TMEM33: variants seen among roughly 807,000 people sequenced by gnomAD.
TMEM33 encodes transmembrane protein 33.
A neutral mutation model predicts 29.7 loss-of-function variants in TMEM33; 16 were observed. The ratio of observed to expected loss-of-function variants is 0.54; its 90% CI spans 0.36 to 0.82. The LOEUF (loss-of-function observed/expected upper bound fraction) is 0.82, where lower values mean the gene tolerates loss of function less well. TMEM33 is among the 40% of genes least tolerant of loss of function. The pLI is 0.00. For missense variants in TMEM33, 252 were observed against 295.3 expected (o/e 0.85, Z 1.08); for synonymous variants, 112 against 109.4 (o/e 1.02, Z -0.15).
At chr4:41,942,280 A>T (rs1290616565) in intron 3 of TMEM33, among the ~76,000 whole-genome samples, 2 of 152,236 alleles carry the variant, frequency 1.3e-5, no homozygotes, top group Non-Finnish European at 2.9e-5. Context: ...TTTTATATAC[A>T]TATATGATCT....
chr4:41,950,976 T>C (rs191000086), intron 6 of TMEM33, among the ~76,000 whole-genome samples: 1 of 152,322 alleles, frequency 6.6e-6, no homozygotes, highest in Admixed American at 6.5e-5. Flanking sequence ...AGCACCCATT[T>C]TAACCAAACC....
At chr4:41,937,051 A>G (rs956070119) in intron 1 of TMEM33, among the ~76,000 whole-genome samples, 11 of 148,192 alleles carry the variant, frequency 7.4e-5, no homozygotes, top group Admixed American at 2.0e-4. Context: ...CCAAAGATCT[A>G]GTGATTTTTT....
In TMEM33 at chr4:41,939,201, A is replaced by C; in HGVS notation, c.146A>C (p.His49Pro). Reference sequence around the variant, plus strand: ...TCTCCTCTGGTAATTTGCAGGTTGCATGAAGCAGCAAGCTTTTACCAACGT... The same window carrying C: ...TCTCCTCTGGTAATTTGCAGGTTGCCTGAAGCAGCAAGCTTTTACCAACGT... ...ALFVLPLLGL[H>P]EAASFYQRAL... Residue 49 changes from histidine (H) to proline (P), a missense_variant, in exon 3 of 7, where the codon CAT becomes CCT. By Grantham distance (77) the His-to-Pro change is moderately conservative. Coordinates refer to ENST00000504986, the MANE Select transcript of TMEM33 (RefSeq NM_018126.3). The C allele has an allele frequency of 1.3e-6, 2 of 1,595,002 alleles. No homozygotes were observed. Among genetic ancestry groups the C allele is most frequent in the Non-Finnish European group, 1.7e-6 (2 of 1,173,570 alleles).
chr4:41,946,220 A>G (rs1194929526), intron 5 of TMEM33, among the ~76,000 whole-genome samples: 1 of 151,886 alleles, frequency 6.6e-6, no homozygotes, highest in Admixed American at 6.6e-5. Context: ...TCTTTAACAT[A>G]GATACCAGAA....
intron 5 of TMEM33, among the ~76,000 whole-genome samples, chr4:41,946,927 T>C (rs564658257): frequency 2.0e-5 from 3 of 152,212 alleles, no homozygotes; most frequent in East Asian, 3.9e-4. Flanking sequence ...TTCATGTAAC[T>C]AGATGAAAGT....
chr4:41,935,309 A>G, upstream of TMEM33: 1 of 710,524 alleles, frequency 1.4e-6, no homozygotes, highest in Non-Finnish European at 2.5e-6. Context: ...CGGCTGCACC[A>G]GGCGAGCGAG....
intron 1 of TMEM33, among the ~76,000 whole-genome samples, chr4:41,938,179 G>A (rs1712338854): frequency 6.6e-6 from 1 of 152,036 alleles, no homozygotes; most frequent in African/African-American, 2.4e-5. Flanking sequence ...GAGATTTTTT[G>A]CTAAGAATAG....
rs1174110412 is a variant in TMEM33, at chr4:41,955,781, G to A, written c.*1582G>A. On this transcript the variant is annotated 3_prime_UTR_variant, in exon 7 of 7. Coordinates refer to ENST00000504986, the MANE Select transcript of TMEM33 (RefSeq NM_018126.3). ...GGTTTTAGAAACTAAACTTTCTAGA[G>A]CAATAAAATGACTATAATGTTAAGT... is the stretch of plus-strand genomic sequence containing the variant. 3 of 152,586 alleles carry A rather than the reference G, an allele frequency of 2.0e-5. No homozygotes were observed. The highest frequency in any genetic ancestry group is 4.4e-5 in the Non-Finnish European group (3 of 68,030). The allele number at this position is 152,586 out of a possible 1,614,324, so 9.5% of individuals were successfully genotyped here.
At chr4:41,935,233 C>T, upstream of TMEM33, 1 of 583,056 alleles carries the variant, frequency 1.7e-6, no homozygotes, top group Non-Finnish European at 3.0e-6. Context: ...TTTCTGGAAA[C>T]ACCGCTTTGA....
At chr4:41,944,635 A>G (rs57752389) in intron 4 of TMEM33, among the ~76,000 whole-genome samples, 158 bp from the exon 5 acceptor site, 3,100 of 152,286 alleles carry the variant, frequency 0.02, 107 homozygotes, top group African/African-American at 0.071. Context: ...AAAATATACT[A>G]TATTTGTCCT....
chr4:41,940,720 A>G (rs907582426), intron 3 of TMEM33, among the ~76,000 whole-genome samples: 5 of 151,158 alleles, frequency 3.3e-5, no homozygotes, highest in Non-Finnish European at 4.4e-5. Context: ...GAGGCAGGAG[A>G]ATCGTTTGAA....
At chr4:41,937,466 A>T (rs954146245) in intron 1 of TMEM33, among the ~76,000 whole-genome samples, 11 of 152,208 alleles carry the variant, frequency 7.2e-5, no homozygotes, top group East Asian at 1.9e-4. Flanking sequence ...TTTACAATGT[A>T]CTTGGATTTT....
chr4:41,939,294 G>C lies in TMEM33; in HGVS notation c.239G>C (p.Ser80Thr). The C allele has an allele frequency of 3.1e-6, 5 of 1,613,898 alleles. No individual in the cohort carries two copies. The highest frequency in any genetic ancestry group is 4.2e-6 in the Non-Finnish European group (5 of 1,179,936). Reference sequence around the variant, plus strand: ...CAAAGATTACCACACTTCCAGTTAAGCAGAGCATTCCTGGCCCAGGCTTTG... The same window carrying C: ...CAAAGATTACCACACTTCCAGTTAACCAGAGCATTCCTGGCCCAGGCTTTG... ...LHQRLPHFQL[S>T]RAFLAQALLE... is the part of the protein sequence containing the mutation. Residue 80 changes from serine (S) to threonine (T), a missense_variant, in exon 3 of 7, where the codon AGC becomes ACC. By Grantham distance (58) the Ser-to-Thr change is moderately conservative. Transcript: ENST00000504986.
In TMEM33 at chr4:41,955,925, A is replaced by G. The variant is rs1373160309; in HGVS notation, c.*1726A>G. ...CTGTTAGTTTTTTCCTATAATTTAA[A>G]AAGATCTTTTAGATTTATAGAAGAG... On this transcript the variant is annotated 3_prime_UTR_variant, in exon 7 of 7. Transcript: ENST00000504986. 1 of 152,632 alleles carries G rather than the reference A, an allele frequency of 6.6e-6. No individual in the cohort carries two copies. Among genetic ancestry groups the G allele is most frequent in the Admixed American group, 6.5e-5 (1 of 15,276 alleles). 9.5% of individuals were successfully genotyped at this position (152,632 alleles called of 1,614,324 possible). A position where few individuals can be genotyped will look rare whatever the true frequency, so the allele number is the denominator to read the frequency against.
At chr4:41,944,730 A>C in intron 4 of TMEM33, 63 bp from the exon 5 acceptor site, 3 of 1,577,314 alleles carry the variant, frequency 1.9e-6, no homozygotes, top group Non-Finnish European at 2.6e-6. Flanking sequence ...TTACCTACAG[A>C]AAGAAAATAT....
rs1338524392 is a variant in TMEM33 at position 41,935,431 on chromosome 4, C to G, written c.-54C>G. The stretch of plus-strand genomic sequence containing the variant: ...TGGCCCCAGCGCTGACGTTTTCTCT[C>G]CCCTTTCTTCTCTCTTCGCGGTTGC... On this transcript the variant is annotated 5_prime_UTR_variant, in exon 1 of 7. Transcript: ENST00000504986. The G allele has an allele frequency of 1.3e-6, 2 of 1,563,026 alleles. No homozygotes were observed. Among genetic ancestry groups the G allele is most frequent in the Non-Finnish European group, 1.7e-6 (2 of 1,151,102 alleles).
chr4:41,946,252 A>G (rs993088450), intron 5 of TMEM33, among the ~76,000 whole-genome samples: 3 of 152,054 alleles, frequency 2.0e-5, no homozygotes, highest in Non-Finnish European at 4.4e-5. Context: ...AGTACAAGCT[A>G]GGTGCCTTTT....
intron 1 of TMEM33, among the ~76,000 whole-genome samples, chr4:41,937,998 T>G (rs970749577): frequency 6.6e-6 from 1 of 152,172 alleles, no homozygotes; most frequent in Non-Finnish European, 1.5e-5. Flanking sequence ...CAGCCACATT[T>G]TGAGCACCTA....
At chr4:41,952,203 G>A (rs538057118) in intron 6 of TMEM33, among the ~76,000 whole-genome samples, 64 of 152,244 alleles carry the variant, frequency 4.2e-4, no homozygotes, top group African/African-American at 1.5e-3. Context: ...GAGTTGTAAT[G>A]GTGCTCTCAC....
Sources: gnomAD v4.1 joint callset for allele counts (sites outside exome capture counted in the v4.1 genomes callset) on GRCh38, gnomAD v4.1.1 for gene constraint, MANE v1.5 for transcripts, NCBI Gene and HGNC (gene_info 2026-07-23, HGNC 2026-07-21) for gene names.